The following MYT1L variants were observed in gnomAD, a reference collection of about 807,000 sequenced individuals.
MYT1L encodes myelin transcription factor 1-like protein.
A neutral mutation model predicts 126.7 loss-of-function variants in MYT1L; 12 were observed. That is an observed-to-expected ratio of 0.09 (90% CI 0.06 to 0.15). MYT1L has a LOEUF of 0.15. Ranked by LOEUF, MYT1L falls within the 10% of genes least tolerant of loss-of-function variation. The pLI is 1.00. For synonymous variants in MYT1L, 541 were observed against 604.2 expected (o/e 0.90, Z 1.53); for missense variants, 979 against 1,585.2 (o/e 0.62, Z 6.49).
At chr2:1,959,134 T>C (rs914681618) in intron 8 of MYT1L, among the ~76,000 whole-genome samples, 2 of 152,150 alleles carry the variant, frequency 1.3e-5, no homozygotes, top group African/African-American at 4.8e-5. Context: ...GATCATCTCA[T>C]AGCTGTGAAA....
At chr2:2,252,766 C>T (rs557333531) in intron 2 of MYT1L, among the ~76,000 whole-genome samples, 2 of 152,228 alleles carry the variant, frequency 1.3e-5, no homozygotes, top group South Asian at 2.1e-4. Context: ...ACCTCCCCCA[C>T]GAAAAGCATC....
chr2:2,102,764 G>C (rs1453087762), intron 3 of MYT1L, among the ~76,000 whole-genome samples: 1 of 151,880 alleles, frequency 6.6e-6, no homozygotes, highest in African/African-American at 2.4e-5. Context: ...ATGGAGCCTG[G>C]ATTTCCTGCA....
In MYT1L at chr2:2,298,234, C is replaced by T. The variant is rs1400477291; in HGVS notation, c.-520-13731G>A. Among the ~76,000 whole-genome samples the T allele has an allele frequency of 3.3e-5, 5 of 152,286 alleles. No individual in the cohort carries two copies. The East Asian group carries it at 9.7e-4, about 29-fold the overall frequency. ...GTTGTTGGCCTCTGAGGCCCATATA[C>T]GTGGAAGATTCTGGGAGGATTTGGA... On this transcript the variant is annotated intron_variant, in intron 1 of 24. Transcript: ENST00000647738.
At chr2:1,855,954 T>C (rs2043861084) in intron 18 of MYT1L, among the ~76,000 whole-genome samples, 1 of 152,194 alleles carries the variant, frequency 6.6e-6, no homozygotes, top group African/African-American at 2.4e-5. Flanking sequence ...CATATTACTA[T>C]CTGGTTGAAA....
At chr2:1,886,163 A>G (rs2048146634) in intron 18 of MYT1L, 2 of 165,220 alleles carry the variant, frequency 1.2e-5, no homozygotes, top group African/African-American at 2.4e-5. Context: ...TCCATATTGT[A>G]AATACTGCTA....
intron 3 of MYT1L, among the ~76,000 whole-genome samples, chr2:2,095,052 T>C (rs940019129): frequency 6.6e-6 from 1 of 152,220 alleles, no homozygotes; most frequent in Non-Finnish European, 1.5e-5. Flanking sequence ...TGCTTTGCTA[T>C]GTAATCAAAA....
intron 1 of MYT1L, among the ~76,000 whole-genome samples, chr2:2,290,777 TG>T (rs1461215684): frequency 6.6e-6 from 1 of 152,174 alleles, no homozygotes; most frequent in African/African-American, 2.4e-5. Flanking sequence ...CCAATTAGTC[TG>T]GGGTGAGGCC....
chr2:2,169,236 A>C (rs1457814772), intron 3 of MYT1L, among the ~76,000 whole-genome samples: 1 of 152,126 alleles, frequency 6.6e-6, no homozygotes, highest in Non-Finnish European at 1.5e-5. Flanking sequence ...GGAACAGCAG[A>C]CCTTTTCTCT....
intron 21 of MYT1L, among the ~76,000 whole-genome samples, chr2:1,818,454 T>C (rs541654550): frequency 6.6e-6 from 1 of 152,212 alleles, no homozygotes; most frequent in Non-Finnish European, 1.5e-5. Context: ...GCTACTATTT[T>C]AATACTCTAA....
chr2:2,295,930 G>T (rs564733274), intron 1 of MYT1L, among the ~76,000 whole-genome samples: 45 of 142,134 alleles, frequency 3.2e-4, no homozygotes, highest in Non-Finnish European at 5.0e-4. Context: ...AGAGAGAGAG[G>T]TTGGGGGGGA....
Position 2,027,619 on chromosome 2 carries a change from C to T in MYT1L, c.-158+26359G>A, listed in dbSNP as rs139076924. 5.0e-3 allele frequency among the ~76,000 whole-genome samples: 764 copies of T among 152,222 alleles called. 7 individuals are homozygous for T. The highest frequency in any genetic ancestry group is 0.017 in the African/African-American group (718 of 41,528). On this transcript the variant is annotated intron_variant, in intron 4 of 24. Transcript: ENST00000647738. ...GCAAATTAAGAAATGACATCATGTA[C>T]GAAAAGATGCAATATAATGACCAAA...
intron 18 of MYT1L, among the ~76,000 whole-genome samples, chr2:1,869,625 C>G (rs1274836943): frequency 2.6e-5 from 4 of 152,272 alleles, no homozygotes; most frequent in African/African-American, 9.6e-5. Flanking sequence ...TTCATGCTGC[C>G]GTTTCTCTCT....
intron 18 of MYT1L, among the ~76,000 whole-genome samples, chr2:1,863,510 C>T (rs765409748): frequency 4.7e-5 from 7 of 148,338 alleles, no homozygotes; most frequent in South Asian, 2.1e-4. Context: ...TTTCACATGA[C>T]GCCACAGCAG....
At chr2:2,266,371 C>A (rs979722552) in intron 2 of MYT1L, among the ~76,000 whole-genome samples, 3 of 152,146 alleles carry the variant, frequency 2.0e-5, no homozygotes, top group Non-Finnish European at 2.9e-5. Context: ...TTTCACATGA[C>A]AAGACCTCAA....
chr2:2,053,627 T>C (rs1326707009), intron 4 of MYT1L, among the ~76,000 whole-genome samples: 2 of 152,106 alleles, frequency 1.3e-5, no homozygotes, highest in South Asian at 4.1e-4. Flanking sequence ...GAACTAATAA[T>C]GGACACAGGG....
intron 1 of MYT1L, among the ~76,000 whole-genome samples, chr2:2,315,063 G>A (rs998963864): frequency 1.3e-5 from 2 of 152,106 alleles, no homozygotes; most frequent in African/African-American, 4.8e-5. Flanking sequence ...AAGCTTCTCT[G>A]TGCTTTCTAT....
At chr2:2,277,165 T>G (rs560827591) in intron 2 of MYT1L, among the ~76,000 whole-genome samples, 50 of 152,200 alleles carry the variant, frequency 3.3e-4, no homozygotes, top group African/African-American at 1.1e-3. Flanking sequence ...TTGTATTTTT[T>G]TTAGTAGAGA....
chr2:1,990,008 A>G (rs551040156), intron 5 of MYT1L, among the ~76,000 whole-genome samples: 1 of 152,342 alleles, frequency 6.6e-6, no homozygotes, highest in South Asian at 2.1e-4. Context: ...AAAAAAAACC[A>G]AACAACAACA....
rs367793245 is a variant in MYT1L, at chr2:2,224,594, C to T, written c.-420-51606G>A. Among the ~76,000 whole-genome samples, 5 of 152,004 alleles carry T rather than the reference C, an allele frequency of 3.3e-5. No homozygotes were observed. Among genetic ancestry groups the T allele is most frequent in the East Asian group, 1.9e-4 (1 of 5,180 alleles). ...CAACACTTTGGGAGGTCAAGACGGG[C>T]GGATCACGAGGTCAAGAGATTGAGA... On this transcript the variant is annotated intron_variant, in intron 2 of 24. Coordinates refer to ENST00000647738, the MANE Select transcript of MYT1L (RefSeq NM_001303052.2). The surrounding 1 kb of genome is among the most constrained non-coding windows in gnomAD (Gnocchi z 4.0).
Sources: allele counts gnomAD v4.1 joint callset (sites outside exome capture counted in the v4.1 genomes callset), GRCh38; gene constraint gnomAD v4.1.1; non-coding constraint Gnocchi (gnomAD v3.1); transcripts MANE v1.5; gene names NCBI Gene and HGNC (gene_info 2026-07-23, HGNC 2026-07-21).